The following DUSP11 variants were observed in gnomAD, a reference collection of about 807,000 sequenced individuals.
DUSP11 encodes dual specificity phosphatase 11.
DUSP11 carries 27 observed loss-of-function variants against 41.4 expected under a neutral mutation model. The observed-to-expected ratio is 0.65, with a 90% CI of 0.48 to 0.90. The LOEUF (loss-of-function observed/expected upper bound fraction) is 0.90, where lower values mean the gene tolerates loss of function less well. DUSP11 is among the 40% of genes least tolerant of loss of function. The probability of loss-of-function intolerance (pLI) is 0.00; values close to 1 mark genes in which losing one functional copy is unlikely to be tolerated. For missense variants in DUSP11, 465 were observed against 461.1 expected (o/e 1.01, Z -0.08); for synonymous variants, 188 against 159.3 (o/e 1.18, Z -1.35).
intron 6 of DUSP11, 97 bp from the exon 7 acceptor site, chr2:73,767,000 T>G: frequency 8.1e-7 from 1 of 1,233,456 alleles, no homozygotes; most frequent in East Asian, 2.3e-5. Context: ...AGCTGTTATA[T>G]CTCACTACTT....
intron 5 of DUSP11, chr2:73,768,631 G>A (rs1353373179): frequency 8.1e-6 from 8 of 985,078 alleles, no homozygotes; most frequent in Admixed American, 1.2e-4. Context: ...TGTGTTCATC[G>A]GTGTGCAAAG....
chr2:73,775,864 TA>T (rs1166863408), intron 2 of DUSP11, among the ~76,000 whole-genome samples: 47 of 52,292 alleles, frequency 9.0e-4, no homozygotes, highest in African/African-American at 1.2e-3. Flanking sequence ...AAAAAAAATT[TA>T]AAAAAAAAAA....
chr2:73,769,753 C>T lies in DUSP11; in HGVS notation c.575-428G>A, dbSNP rs187101068. ...ATAGTACTCTTGAGTTCCCGAAGAG[C>T]TTCTATTCCTTCTCTTGTTCGGTGC... On this transcript the variant is annotated intron_variant, in intron 4 of 8. Coordinates refer to ENST00000272444, the Ensembl canonical transcript of DUSP11. 1.2e-3 allele frequency among the ~76,000 whole-genome samples: 184 copies of T among 152,318 alleles called. 2 individuals are homozygous for T. Among genetic ancestry groups the T allele is most frequent in the African/African-American group, 3.8e-3 (157 of 41,570 alleles).
At chr2:73,763,387 T>C (rs1002851333) in intron 8 of DUSP11, among the ~76,000 whole-genome samples, 1 of 152,220 alleles carries the variant, frequency 6.6e-6, no homozygotes, top group African/African-American at 2.4e-5. Context: ...TTAAATTAAC[T>C]TGTTTCAAAA....
intron 7 of DUSP11, 108 bp downstream of exon 7, chr2:73,766,720 C>A: frequency 7.4e-7 from 1 of 1,356,870 alleles, no homozygotes; most frequent in African/African-American, 1.4e-5. Context: ...TTTACATCTC[C>A]CCCCAACAAA....
intron 4 of DUSP11, among the ~76,000 whole-genome samples, chr2:73,773,080 G>A (rs1236686840): frequency 5.9e-5 from 9 of 152,148 alleles, no homozygotes; most frequent in Non-Finnish European, 1.2e-4. Context: ...GCAGAGAGAT[G>A]CCAGAAAAAG....
chr2:73,762,529 C>T, exon 9 of DUSP11: 1 of 556,884 alleles, frequency 1.8e-6, no homozygotes, highest in South Asian at 4.7e-5. Context: ...AACAGCAATG[C>T]AATTTTTCCT....
In DUSP11 at chr2:73,780,048, T is replaced by G. The variant is rs942216176; in HGVS notation, c.68A>C (p.Tyr23Ser). The change falls in exon 1 of 9, where the codon TAT becomes TCT. Residue 23 changes from tyrosine to serine, a missense_variant. Tyr to Ser is a moderately radical substitution (Grantham distance 144, BLOSUM62 -2). Transcript: ENST00000272444. ...CAGTCCGGCGCCCTCAATGCCAGGA[T>G]AAGACCCTAAACAGGAAAAGACTCG... The G allele has an allele frequency of 1.9e-6, 3 of 1,612,250 alleles. No homozygotes were observed. Among genetic ancestry groups the G allele is most frequent in the Non-Finnish European group, 1.7e-6 (2 of 1,179,196 alleles).
At chr2:73,766,803 C>T in intron 7 of DUSP11, 25 bp downstream of exon 7, 1 of 1,565,604 alleles carries the variant, frequency 6.4e-7, no homozygotes. Flanking sequence ...ACCCACAAAT[C>T]TCACATATAT....
At chr2:73,775,131 T>C in intron 2 of DUSP11, 87 bp from the exon 3 acceptor site, 4 of 1,123,074 alleles carry the variant, frequency 3.6e-6, no homozygotes, top group South Asian at 1.8e-5. Context: ...GATGCTAACA[T>C]ACAACGAGAT....
At chr2:73,765,457 T>C (rs1442479129) in intron 8 of DUSP11, among the ~76,000 whole-genome samples, 4 of 152,180 alleles carry the variant, frequency 2.6e-5, no homozygotes. Flanking sequence ...GCTTCCCTGG[T>C]TCTCCAGTTT....
Position 73,767,211 on chromosome 2 carries a change from A to G in DUSP11, c.636-4T>C. 1 of 1,610,728 alleles carries G rather than the reference A, an allele frequency of 6.2e-7. No individual in the cohort carries two copies. Among genetic ancestry groups the G allele is most frequent in the Non-Finnish European group, 8.5e-7 (1 of 1,178,134 alleles). ...GCCTTCTACATCAATCAAATATCTA[A>G]CAAAACAACATAATTTGGGTCATTT... On this transcript the variant is annotated splice_region_variant and splice_polypyrimidine_tract_variant and intron_variant, in intron 5 of 8. Transcript: ENST00000272444.
At chr2:73,766,839 A>T in exon 7 of DUSP11, 1 of 1,612,116 alleles carries the variant, frequency 6.2e-7, no homozygotes, top group Non-Finnish European at 8.5e-7. Flanking sequence ...TTCTGATAGG[A>T]CCATTCTGAA....
intron 5 of DUSP11, chr2:73,768,575 A>T: frequency 1.0e-6 from 1 of 985,378 alleles, no homozygotes. Flanking sequence ...TTACATAGAA[A>T]TGTTCACTAC....
At chr2:73,764,239 A>G (rs1181292817) in intron 8 of DUSP11, among the ~76,000 whole-genome samples, 1 of 152,200 alleles carries the variant, frequency 6.6e-6, no homozygotes, top group Non-Finnish European at 1.5e-5. Context: ...CGCAAGTGAC[A>G]TGTTTTTTGA....
intron 8 of DUSP11, among the ~76,000 whole-genome samples, chr2:73,765,185 T>C (rs889403065): frequency 5.3e-5 from 8 of 152,060 alleles, no homozygotes; most frequent in Non-Finnish European, 8.8e-5. Context: ...TTTGCGTAGG[T>C]ACCATCCAAT....
At chr2:73,769,991 T>G (rs1245910726) in intron 4 of DUSP11, among the ~76,000 whole-genome samples, 1 of 152,116 alleles carries the variant, frequency 6.6e-6, no homozygotes, top group Admixed American at 6.5e-5. Context: ...TAAAAAAAAG[T>G]GTAGTTTATC....
At chr2:73,780,126 C>T (rs1417992346) in exon 1 of DUSP11, 5 of 1,553,764 alleles carry the variant, frequency 3.2e-6, no homozygotes, top group Admixed American at 3.9e-5. Flanking sequence ...GTGCCACCGC[C>T]GGTCGTGATG....
chr2:73,778,291 T>G lies in DUSP11; in HGVS notation c.318+10A>C. Reference sequence around the variant, plus strand: ...ATGCCTGAAAGAATACTGAATTAACTTTTGCTTACCTTTTGCAAAGGAACT... The same window carrying G: ...ATGCCTGAAAGAATACTGAATTAACGTTTGCTTACCTTTTGCAAAGGAACT... On this transcript the variant is annotated intron_variant, in intron 2 of 8. Coordinates refer to ENST00000272444, the Ensembl canonical transcript of DUSP11. The G allele has an allele frequency of 2.5e-6, 4 of 1,573,312 alleles. No homozygotes were observed. The highest frequency in any genetic ancestry group is 1.4e-5 in the African/African-American group (1 of 72,682).
Sources: gnomAD v4.1 joint callset for allele counts (sites outside exome capture counted in the v4.1 genomes callset) on GRCh38, gnomAD v4.1.1 for gene constraint, MANE v1.5 for transcripts, NCBI Gene and HGNC (gene_info 2026-07-23, HGNC 2026-07-21) for gene names.